PPARGC1A: variants seen among roughly 807,000 people sequenced by gnomAD.
The protein encoded by PPARGC1A is PPARG coactivator 1 alpha.
PPARGC1A carries 25 observed loss-of-function variants against 88.7 expected under a neutral mutation model. The ratio of observed to expected loss-of-function variants is 0.28; its 90% CI spans 0.21 to 0.39. The LOEUF is 0.39. Among genes scored for constraint, PPARGC1A ranks in the 10% least tolerant of loss-of-function variants. The pLI, the probability that PPARGC1A is intolerant of heterozygous loss-of-function variation, is 1.00. For missense variants in PPARGC1A, 880 were observed against 968.7 expected, an observed-to-expected ratio of 0.91 and a Z score of 1.22; for synonymous variants, 363 against 355.6, an observed-to-expected ratio of 1.02 and a Z score of -0.24.
chr4:23,942,856 A>G, the PPARGC1A span, among the ~76,000 whole-genome samples: 2 of 152,192 alleles, frequency 1.3e-5, no homozygotes, highest in Non-Finnish European at 2.9e-5. Flanking sequence ...TCTAAATTTC[A>G]TGTTACATAA....
the PPARGC1A span, among the ~76,000 whole-genome samples, chr4:24,108,370 T>C: frequency 6.6e-6 from 1 of 152,158 alleles, no homozygotes; most frequent in African/African-American, 2.4e-5. Context: ...AAAAATAATT[T>C]TATTAATTTT....
the PPARGC1A span, among the ~76,000 whole-genome samples, chr4:24,154,356 A>T: frequency 6.6e-6 from 1 of 152,234 alleles, no homozygotes; most frequent in Non-Finnish European, 1.5e-5. Context: ...GCACAAGCAC[A>T]TGCTCAAAAC....
the PPARGC1A span, among the ~76,000 whole-genome samples, chr4:24,167,260 C>A: frequency 6.6e-6 from 1 of 152,268 alleles, no homozygotes; most frequent in South Asian, 2.1e-4. Flanking sequence ...GAAGTGGAAC[C>A]TGAAGATATG....
chr4:24,338,323 G>A, the PPARGC1A span, among the ~76,000 whole-genome samples: 1 of 152,214 alleles, frequency 6.6e-6, no homozygotes, highest in African/African-American at 2.4e-5. Flanking sequence ...TTCCAATGAA[G>A]AAGAAAGGAA....
At chr4:23,984,712 A>G in the PPARGC1A span, among the ~76,000 whole-genome samples, 1 of 152,116 alleles carries the variant, frequency 6.6e-6, no homozygotes, top group Non-Finnish European at 1.5e-5. Flanking sequence ...GATTCTCTCA[A>G]CATCTTCAAG....
At chr4:24,326,001 C>T in the PPARGC1A span, among the ~76,000 whole-genome samples, 1 of 151,908 alleles carries the variant, frequency 6.6e-6, no homozygotes, top group African/African-American at 2.4e-5. Context: ...ATCTGCTTAC[C>T]TGACTATTCC....
At chr4:24,385,274 C>T in the PPARGC1A span, among the ~76,000 whole-genome samples, 1 of 152,236 alleles carries the variant, frequency 6.6e-6, no homozygotes, top group South Asian at 2.1e-4. Context: ...GCACTAAATG[C>T]CCACAGGAGA....
chr4:24,066,847 GGGT>G, the PPARGC1A span, among the ~76,000 whole-genome samples: 1 of 78,546 alleles, frequency 1.3e-5, no homozygotes, highest in African/African-American at 5.1e-5. Context: ...TGTTTGTTTT[GGGT>G]TTTTTTTTTT....
At chr4:24,413,640 G>T in the PPARGC1A span, among the ~76,000 whole-genome samples, 1 of 152,192 alleles carries the variant, frequency 6.6e-6, no homozygotes, top group African/African-American at 2.4e-5. Flanking sequence ...TAGGAAAGGA[G>T]CCATGGGAAA....
At chr4:24,246,367 C>T in the PPARGC1A span, among the ~76,000 whole-genome samples, 4 of 152,276 alleles carry the variant, frequency 2.6e-5, no homozygotes, top group African/African-American at 9.6e-5. Flanking sequence ...GAAACACCTA[C>T]AATCCCAGCA....
the PPARGC1A span, among the ~76,000 whole-genome samples, chr4:24,223,027 C>G: frequency 1.8e-4 from 28 of 152,086 alleles, no homozygotes; most frequent in African/African-American, 6.3e-4. Flanking sequence ...CTCAAGCATA[C>G]CTTTTGCGTA....
At chr4:24,358,492 A>T in the PPARGC1A span, among the ~76,000 whole-genome samples, 3 of 152,202 alleles carry the variant, frequency 2.0e-5, no homozygotes, top group Non-Finnish European at 4.4e-5. Context: ...TCTTAACCAC[A>T]GTGCTCTGTA....
chr4:24,239,725 T>A, the PPARGC1A span, among the ~76,000 whole-genome samples: 1 of 152,208 alleles, frequency 6.6e-6, no homozygotes, highest in Non-Finnish European at 1.5e-5. Context: ...ATATATGGTA[T>A]GAAAAATAAA....
At chr4:23,960,462 T>C in the PPARGC1A span, among the ~76,000 whole-genome samples, 2 of 152,122 alleles carry the variant, frequency 1.3e-5, no homozygotes, top group Non-Finnish European at 2.9e-5. Context: ...AAATGACAAC[T>C]AGTTTGGCCA....
chr4:24,305,310 A>AC, the PPARGC1A span, among the ~76,000 whole-genome samples: 299 of 152,014 alleles, frequency 2.0e-3, 2 homozygotes, highest in Non-Finnish European at 5.4e-4. Flanking sequence ...AAACAAACAA[A>AC]AAACATGACT....
the PPARGC1A span, among the ~76,000 whole-genome samples, chr4:24,384,324 A>G: frequency 6.6e-6 from 1 of 152,186 alleles, no homozygotes; most frequent in East Asian, 1.9e-4. Flanking sequence ...AACTGCATCA[A>G]CTAACAGGCA....
the PPARGC1A span, among the ~76,000 whole-genome samples, chr4:24,197,052 C>T: frequency 6.6e-6 from 1 of 152,146 alleles, no homozygotes; most frequent in Non-Finnish European, 1.5e-5. Context: ...CCTAGTCAAC[C>T]TGTACTGATG....
the PPARGC1A span, among the ~76,000 whole-genome samples, chr4:24,087,473 C>T: frequency 1.3e-5 from 2 of 152,180 alleles, no homozygotes; most frequent in East Asian, 3.8e-4. Context: ...AGGAAACCAT[C>T]CTATTATAAA....
the PPARGC1A span, among the ~76,000 whole-genome samples, chr4:24,390,299 A>C: frequency 6.6e-6 from 1 of 152,120 alleles, no homozygotes; most frequent in African/African-American, 2.4e-5. Context: ...GCTTGTAACA[A>C]AAATGGTAGA....
Sources: gnomAD v4.1 joint callset for allele counts (sites outside exome capture counted in the v4.1 genomes callset) on GRCh38, gnomAD v4.1.1 for gene constraint, MANE v1.5 for transcripts, NCBI Gene and HGNC (gene_info 2026-07-23, HGNC 2026-07-21) for gene names.